GALNT1: variants seen among roughly 807,000 people sequenced by gnomAD.
The protein encoded by GALNT1 is GalNAc transferase 1.
Under a neutral mutation model 65.7 loss-of-function variants are expected in GALNT1, and 17 were observed. The ratio of observed to expected loss-of-function variants is 0.26; its 90% CI spans 0.18 to 0.39. GALNT1 has a LOEUF of 0.39. Among genes scored for constraint, GALNT1 ranks in the 10% least tolerant of loss-of-function variants. GALNT1 has a pLI of 1.00. For missense variants in GALNT1, 460 were observed against 672.8 expected (o/e 0.68, Z 3.50); for synonymous variants, 210 against 219.7 (o/e 0.96, Z 0.39).
At chr18:35,700,932 C>T (rs1424550652) in intron 9 of GALNT1, among the ~76,000 whole-genome samples, 1 of 152,096 alleles carries the variant, frequency 6.6e-6, no homozygotes, top group Non-Finnish European at 1.5e-5. Context: ...TCTTTAGCCA[C>T]CTTTATTTAC....
At chr18:35,667,220 T>C (rs2144489956) in intron 3 of GALNT1, among the ~76,000 whole-genome samples, 1 of 152,318 alleles carries the variant, frequency 6.6e-6, no homozygotes, top group East Asian at 1.9e-4. Context: ...CCTTCAATAT[T>C]ATGTTATCAA....
chr18:35,617,239 C>G (rs1343689685), intron 1 of GALNT1, among the ~76,000 whole-genome samples: 1 of 151,934 alleles, frequency 6.6e-6, no homozygotes, highest in Non-Finnish European at 1.5e-5. Flanking sequence ...CATCTTTGTT[C>G]TCATATGGTC....
intron 9 of GALNT1, 100 bp downstream of exon 9, chr18:35,692,420 C>T (rs1034179063): frequency 4.3e-6 from 3 of 692,336 alleles, no homozygotes; most frequent in Non-Finnish European, 6.4e-6. Flanking sequence ...AGGAAAGTAC[C>T]TTCATGTTAA....
At chr18:35,582,306 A>G (rs489071) in intron 1 of GALNT1, among the ~76,000 whole-genome samples, 89,501 of 151,904 alleles carry the variant, frequency 0.59, 26,757 homozygotes, top group Middle Eastern at 0.7. Flanking sequence ...ACCCGGACCT[A>G]AATTAGCAAA....
chr18:35,629,441 C>G (rs558276069), intron 1 of GALNT1, among the ~76,000 whole-genome samples: 2 of 152,240 alleles, frequency 1.3e-5, no homozygotes, highest in African/African-American at 4.8e-5. Context: ...GAATTTTCAA[C>G]CCAGAATTTC....
At chr18:35,677,491 A>T in intron 3 of GALNT1, 100 bp from the exon 4 acceptor site, 1 of 886,088 alleles carries the variant, frequency 1.1e-6, no homozygotes. Flanking sequence ...CCACCACTAG[A>T]GCAAACTGCT....
Position 35,710,743 on chromosome 18 carries a change from C to T in GALNT1, c.*973C>T, listed in dbSNP as rs1295686306. 2 of 152,636 alleles carry T rather than the reference C, an allele frequency of 1.3e-5. No homozygotes were observed. The highest frequency in any genetic ancestry group is 2.9e-5 in the Non-Finnish European group (2 of 68,042). The allele number at this position is 152,636 out of a possible 1,614,324, so 9.5% of individuals were successfully genotyped here. ...TTATGCGAAATACCCAAGATTCATGCTACTGTACCACAGATTTGTTTTCAC... is the reference window on the plus strand; with the variant it reads ...TTATGCGAAATACCCAAGATTCATGTTACTGTACCACAGATTTGTTTTCAC... On this transcript the variant is annotated 3_prime_UTR_variant, in exon 12 of 12. Coordinates refer to ENST00000269195, the MANE Select transcript of GALNT1 (RefSeq NM_020474.4).
chr18:35,670,314 T>C (rs1165405976), intron 3 of GALNT1, among the ~76,000 whole-genome samples: 2 of 151,938 alleles, frequency 1.3e-5, no homozygotes, highest in Non-Finnish European at 2.9e-5. Context: ...AAAAAAAATA[T>C]TCAGTAAGGT....
intron 9 of GALNT1, among the ~76,000 whole-genome samples, chr18:35,695,360 G>C (rs766354891): frequency 6.6e-6 from 1 of 152,148 alleles, no homozygotes; most frequent in African/African-American, 2.4e-5. Flanking sequence ...AGGTTTGGAG[G>C]TGGAAACTGG....
intron 1 of GALNT1, among the ~76,000 whole-genome samples, chr18:35,640,552 A>C (rs2047147997): frequency 6.6e-6 from 1 of 152,226 alleles, no homozygotes; most frequent in South Asian, 2.1e-4. Context: ...ATCTAGTCAG[A>C]ATCATGACAA....
At chr18:35,675,172 T>C (rs2047693202) in intron 3 of GALNT1, among the ~76,000 whole-genome samples, 1 of 151,978 alleles carries the variant, frequency 6.6e-6, no homozygotes, top group Non-Finnish European at 1.5e-5. Context: ...GGACAGGTGG[T>C]TTCTTGATTG....
chr18:35,671,066 G>A, intron 3 of GALNT1, among the ~76,000 whole-genome samples: 1 of 152,098 alleles, frequency 6.6e-6, no homozygotes. Context: ...GGGTAGGAAA[G>A]GACTTTGTTT....
At chr18:35,585,188 C>T (rs1598777454) in intron 1 of GALNT1, among the ~76,000 whole-genome samples, 1 of 152,222 alleles carries the variant, frequency 6.6e-6, no homozygotes, top group East Asian at 1.9e-4. Flanking sequence ...AGTTACCCTC[C>T]ACATTTCTTA....
intron 1 of GALNT1, among the ~76,000 whole-genome samples, chr18:35,613,565 A>G (rs1271090425): frequency 4.6e-5 from 7 of 152,262 alleles, no homozygotes; most frequent in Middle Eastern, 3.4e-3. Context: ...TTCAAAACCC[A>G]GAACTTTGGC....
At chr18:35,688,909 GGACTGTGACAGA>G (rs1278912596) in intron 6 of GALNT1, among the ~76,000 whole-genome samples, 2 of 152,110 alleles carry the variant, frequency 1.3e-5, no homozygotes, top group Admixed American at 1.3e-4. Context: ...AGTACTCTTA[GGACTGTGACAGA>G]GAGGGATGTC....
chr18:35,668,649 G>A (rs1463615919), intron 3 of GALNT1, among the ~76,000 whole-genome samples: 2 of 152,090 alleles, frequency 1.3e-5, no homozygotes, highest in Middle Eastern at 3.4e-3. Context: ...CTGATTAGTG[G>A]GCATAAAGTT....
At chr18:35,672,512 A>G (rs2047651090) in intron 3 of GALNT1, among the ~76,000 whole-genome samples, 1 of 152,152 alleles carries the variant, frequency 6.6e-6, no homozygotes, top group African/African-American at 2.4e-5. Context: ...TGGAACCCAG[A>G]GAAACCTTGC....
At chr18:35,642,392 G>A (rs772090312) in intron 1 of GALNT1, among the ~76,000 whole-genome samples, 5 of 152,170 alleles carry the variant, frequency 3.3e-5, no homozygotes, top group African/African-American at 4.8e-5. Context: ...TTCAGAAACA[G>A]TCAAGTATAA....
At chr18:35,624,255 G>C (rs990412686) in intron 1 of GALNT1, among the ~76,000 whole-genome samples, 2 of 152,154 alleles carry the variant, frequency 1.3e-5, no homozygotes, top group African/African-American at 4.8e-5. Context: ...CTTTCCAGTT[G>C]CCTGCTAGTT....
Sources: gnomAD v4.1 joint callset for allele counts (sites outside exome capture counted in the v4.1 genomes callset) on GRCh38, gnomAD v4.1.1 for gene constraint, MANE v1.5 for transcripts, NCBI Gene and HGNC (gene_info 2026-07-23, HGNC 2026-07-21) for gene names.